The following MYPN variants were observed in gnomAD, a reference collection of about 807,000 sequenced individuals.
MYPN encodes myopalladin.
In MYPN, 63 loss-of-function variants were observed where a neutral mutation model predicts 129.4. That is an observed-to-expected ratio of 0.49 (90% confidence interval 0.40 to 0.60). The LOEUF (loss-of-function observed/expected upper bound fraction) is 0.60, where lower values mean the gene tolerates loss of function less well. Ranked by LOEUF, MYPN falls within the 20% of genes least tolerant of loss-of-function variation. The probability of loss-of-function intolerance (pLI) is 0.00; values close to 1 mark genes in which losing one functional copy is unlikely to be tolerated. For missense variants in MYPN, 1,596 were observed against 1,635.4 expected, an observed-to-expected ratio of 0.98 and a Z score of 0.42; for synonymous variants, 629 against 600.9, an observed-to-expected ratio of 1.05 and a Z score of -0.68.
upstream of MYPN, among the ~76,000 whole-genome samples, chr10:68,108,498 C>A (rs1168427291): frequency 6.6e-6 from 1 of 152,106 alleles, no homozygotes; most frequent in Non-Finnish European, 1.5e-5. Flanking sequence ...TAGGAAGAAA[C>A]CCTATAAGCA....
intron 12 of MYPN, among the ~76,000 whole-genome samples, chr10:68,185,509 C>T (rs1479701832): frequency 6.6e-6 from 1 of 152,102 alleles, no homozygotes; most frequent in African/African-American, 2.4e-5. Flanking sequence ...GGCACTCCTC[C>T]TTATGAGCAC....
Position 68,195,511 on chromosome 10 carries a change from C to A in MYPN, c.3137C>A (p.Thr1046Asn). 1 of 1,614,034 alleles carries A rather than the reference C, an allele frequency of 6.2e-7. No individual in the cohort carries two copies. The highest frequency in any genetic ancestry group is 8.5e-7 in the Non-Finnish European group (1 of 1,179,934). ...VQSLPIRSRL[T>N]SAGQSHRGRS... is the part of the protein sequence containing the mutation. ...AGTTTGCCCATTCGCAGTCGGCTAA[C>A]CTCTGCTGGTCAGTCTCACAGGTAA... The change falls in exon 15 of 20, where the codon ACC (threonine) becomes AAC (asparagine). Residue 1046 changes from threonine (T) to asparagine (N), a missense_variant. Physicochemically the swap from Thr to Asn is moderately conservative, Grantham distance 65. Transcript: ENST00000358913.
intron 13 of MYPN, among the ~76,000 whole-genome samples, chr10:68,190,193 G>T (rs10998002): frequency 6.6e-4 from 68 of 103,114 alleles, no homozygotes; most frequent in East Asian, 2.9e-3. Context: ...GGTCTTTTTT[G>T]TGTGTGTGTG....
intron 12 of MYPN, among the ~76,000 whole-genome samples, chr10:68,176,220 C>CTTA (rs2043225499): frequency 6.6e-6 from 1 of 152,182 alleles, no homozygotes; most frequent in Non-Finnish European, 1.5e-5. Context: ...CTAGTAAATG[C>CTTA]TTACACCAAA....
intron 10 of MYPN, among the ~76,000 whole-genome samples, chr10:68,169,697 ACAGTTCAGGCAGTCAGAAGGGACAATGGG>A (rs2043115580): frequency 6.6e-6 from 1 of 150,880 alleles, no homozygotes; most frequent in Non-Finnish European, 1.5e-5. Flanking sequence ...CACCACATCT[ACAGTTCAGGCAGTCAGAAGGGACAATGGG>A]CAGAAGTCAT....
At chr10:68,105,572 T>G (rs1361836758), upstream of MYPN, among the ~76,000 whole-genome samples, 1 of 152,194 alleles carries the variant, frequency 6.6e-6, no homozygotes, top group Non-Finnish European at 1.5e-5. Context: ...AAATAATACT[T>G]TTTGAAAAGT....
chr10:68,136,604 G>A, intron 2 of MYPN: 1 of 1,517,384 alleles, frequency 6.6e-7, no homozygotes. Flanking sequence ...TTTTAGGCCT[G>A]CTGAGGCCAT....
intron 1 of MYPN, among the ~76,000 whole-genome samples, chr10:68,100,329 AG>A (rs2041976128): frequency 6.6e-6 from 1 of 152,220 alleles, no homozygotes; most frequent in African/African-American, 2.4e-5. Flanking sequence ...AAATGAGTCC[AG>A]TTTGCAGTCA....
chr10:68,164,657 C>G, intron 8 of MYPN, among the ~76,000 whole-genome samples: 1 of 152,186 alleles, frequency 6.6e-6, no homozygotes, highest in East Asian at 1.9e-4. Context: ...GTTTATGCTG[C>G]TGTCTTATAC....
At chr10:68,165,565 T>C in intron 8 of MYPN, 137 bp from the exon 9 acceptor site, 1 of 746,414 alleles carries the variant, frequency 1.3e-6, no homozygotes, top group South Asian at 1.5e-5. Context: ...AACAATTGTT[T>C]TGACCAATTG....
intron 7 of MYPN, among the ~76,000 whole-genome samples, chr10:68,160,421 C>A (rs1467128982): frequency 9.5e-6 from 1 of 105,482 alleles, no homozygotes; most frequent in Non-Finnish European, 1.8e-5. Flanking sequence ...CAGAGTGAGA[C>A]CTTATCTCAA....
chr10:68,167,635 A>G (rs115701449), intron 10 of MYPN, among the ~76,000 whole-genome samples: 179 of 152,360 alleles, frequency 1.2e-3, no homozygotes, highest in African/African-American at 4.1e-3. Context: ...ATCAAAATCT[A>G]CAGTCCCAGT....
intron 10 of MYPN, among the ~76,000 whole-genome samples, chr10:68,173,481 C>A (rs4451608): frequency 0.4 from 61,452 of 152,040 alleles, 14,089 homozygotes; most frequent in Non-Finnish European, 0.52. Context: ...GTGTGAAGGA[C>A]GCCCTTGGAA....
At chr10:68,185,242 AG>A (rs2043403012) in intron 12 of MYPN, among the ~76,000 whole-genome samples, 1 of 151,826 alleles carries the variant, frequency 6.6e-6, no homozygotes. Flanking sequence ...AGGAAAGGAA[AG>A]GAAAGGAAAA....
At chr10:68,119,352 C>T (rs2042205677) in intron 1 of MYPN, among the ~76,000 whole-genome samples, 1 of 151,824 alleles carries the variant, frequency 6.6e-6, no homozygotes, top group Non-Finnish European at 1.5e-5. Context: ...CCTTTGTAGA[C>T]AAATCTTTGC....
Position 68,174,121 on chromosome 10 carries a change from T to C in MYPN, c.2029T>C (p.Leu677=). The change falls in exon 11 of 20, where the codon TTG becomes CTG. Residue 677 remains leucine (L), a synonymous_variant. Transcript: ENST00000358913. Reference sequence around the variant, plus strand: ...CCAAGTCTTACTGGAACAACACCAATTGCAAAACCCACCTCCTTCATCTCC... The same window carrying C: ...CCAAGTCTTACTGGAACAACACCAACTGCAAAACCCACCTCCTTCATCTCC... ...HNQVLLEQHQ[L]QNPPPSSPKE... is the part of the protein sequence containing the mutation. 1 of 1,614,190 alleles carries C rather than the reference T, an allele frequency of 6.2e-7. No homozygotes were observed. The highest frequency in any genetic ancestry group is 8.5e-7 in the Non-Finnish European group (1 of 1,180,028).
chr10:68,153,598 C>T (rs529791786), intron 6 of MYPN, among the ~76,000 whole-genome samples: 36 of 152,194 alleles, frequency 2.4e-4, no homozygotes, highest in South Asian at 6.2e-4. Flanking sequence ...AAGGATTGTT[C>T]AGGCATTGGG....
chr10:68,139,027 G>A (rs1050816816), intron 2 of MYPN, among the ~76,000 whole-genome samples: 1 of 152,020 alleles, frequency 6.6e-6, no homozygotes, highest in African/African-American at 2.4e-5. Flanking sequence ...GCAGTCTTAG[G>A]TGATCCATAA....
chr10:68,153,067 C>A (rs1173135632), intron 6 of MYPN, among the ~76,000 whole-genome samples: 3 of 151,660 alleles, frequency 2.0e-5, no homozygotes, highest in Admixed American at 6.6e-5. Context: ...CTCAGTGCAA[C>A]CTTTGCCTCC....
Sources: allele counts gnomAD v4.1 joint callset (sites outside exome capture counted in the v4.1 genomes callset), GRCh38; gene constraint gnomAD v4.1.1; transcripts MANE v1.5; gene names NCBI Gene and HGNC (gene_info 2026-07-23, HGNC 2026-07-21).